TMEM232: variants seen among roughly 807,000 people sequenced by gnomAD.
The protein encoded by TMEM232 is transmembrane protein 232.
A neutral mutation model predicts 78.8 loss-of-function variants in TMEM232; 80 were observed. The observed-to-expected ratio is 1.01, with a 90% CI of 0.85 to 1.22. TMEM232 has a LOEUF of 1.22. Among genes scored for constraint, TMEM232 ranks in the 50% most tolerant of loss-of-function variants. The pLI is 0.00. For missense variants in TMEM232, 881 were observed against 742.2 expected, an observed-to-expected ratio of 1.19 and a Z score of -2.17; for synonymous variants, 297 against 254.3, an observed-to-expected ratio of 1.17 and a Z score of -1.60.
chr5:110,415,053 T>G (rs311708), downstream of TMEM232, among the ~76,000 whole-genome samples: 41,624 of 151,788 alleles, frequency 0.27, 9,439 homozygotes, highest in African/African-American at 0.61. Context: ...TAACAGTTCC[T>G]CAGTCCTGCA....
intron 1 of TMEM232, among the ~76,000 whole-genome samples, chr5:110,673,689 T>A (rs1243815492): frequency 6.6e-6 from 1 of 152,176 alleles, no homozygotes; most frequent in Non-Finnish European, 1.5e-5. Context: ...TTGATTGCAC[T>A]GGGCTGACCT....
In TMEM232 at chr5:110,638,183, T is replaced by G. The variant is rs1786149570; in HGVS notation, c.501+15A>C. The G allele has an allele frequency of 6.5e-7, 1 of 1,528,522 alleles. No homozygotes were observed. Among genetic ancestry groups the G allele is most frequent in the Non-Finnish European group, 8.8e-7 (1 of 1,136,010 alleles). The allele number at this position is 1,528,522 out of a possible 1,614,324, so 94.7% of individuals were successfully genotyped here. ...TGAAATATTTAAAAACATTAAGAAG[T>G]TTTTCAAAACATACCTTTGCTAGCT... On this transcript the variant is annotated intron_variant, in intron 5 of 13. Transcript: ENST00000455884.
intron 10 of TMEM232, among the ~76,000 whole-genome samples, chr5:110,596,128 T>A (rs1487367362): frequency 6.6e-6 from 1 of 152,042 alleles, no homozygotes; most frequent in Non-Finnish European, 1.5e-5. Flanking sequence ...TATTCAACAT[T>A]CTTAAAGAAA....
chr5:110,699,333 T>C (rs980303566), intron 1 of TMEM232, among the ~76,000 whole-genome samples: 10 of 151,986 alleles, frequency 6.6e-5, no homozygotes, highest in Non-Finnish European at 1.5e-4. Context: ...TAAGAAATAA[T>C]ACATCTAACT....
rs1474021322 is a variant in TMEM232, at chr5:110,726,629, C to T, written c.-15G>A. On this transcript the variant is annotated splice_region_variant and 5_prime_UTR_variant, in exon 1 of 14. Coordinates refer to ENST00000455884, the MANE Select transcript of TMEM232 (RefSeq NM_001039763.4). ...AGCAGGACCTCTTAATCACTCACCG[C>T]TGCGCTCTGAGCCGCTGGGAACCAA... The T allele has an allele frequency of 6.6e-6, 1 of 152,226 alleles. No homozygotes were observed. Among genetic ancestry groups the T allele is most frequent in the Admixed American group, 6.5e-5 (1 of 15,282 alleles). 9.4% of individuals were successfully genotyped at this position (152,226 alleles called of 1,614,324 possible).
intron 12 of TMEM232, among the ~76,000 whole-genome samples, chr5:110,456,160 G>T (rs1253945356): frequency 6.6e-6 from 1 of 152,094 alleles, no homozygotes; most frequent in Non-Finnish European, 1.5e-5. Context: ...ATCTACAGAA[G>T]AATAATCTAC....
intron 12 of TMEM232, among the ~76,000 whole-genome samples, chr5:110,513,439 A>G (rs948513589): frequency 6.6e-6 from 1 of 152,190 alleles, no homozygotes. Context: ...ATACAACTTA[A>G]TATCAAATAA....
chr5:110,478,758 G>T (rs528400081), intron 12 of TMEM232, among the ~76,000 whole-genome samples: 5 of 151,876 alleles, frequency 3.3e-5, no homozygotes, highest in Admixed American at 3.3e-4. Flanking sequence ...AGCTTTTAAG[G>T]TGCCAATGTT....
chr5:110,679,985 G>A (rs1792510876), intron 1 of TMEM232, among the ~76,000 whole-genome samples: 1 of 152,112 alleles, frequency 6.6e-6, no homozygotes, highest in African/African-American at 2.4e-5. Flanking sequence ...TCTTTAAAAA[G>A]TAATCATATG....
intron 12 of TMEM232, among the ~76,000 whole-genome samples, chr5:110,466,588 A>G (rs1453763975): frequency 4.0e-5 from 6 of 151,416 alleles, no homozygotes; most frequent in Non-Finnish European, 8.8e-5. Context: ...ATTTAGTTCT[A>G]GATTTTAAGG....
intron 12 of TMEM232, among the ~76,000 whole-genome samples, chr5:110,508,534 C>A (rs1228613857): frequency 6.6e-6 from 1 of 151,216 alleles, no homozygotes; most frequent in Non-Finnish European, 1.5e-5. Flanking sequence ...CTGACTAGTA[C>A]CTTCCTCATG....
intron 1 of TMEM232, among the ~76,000 whole-genome samples, chr5:110,689,510 C>T (rs139193427): frequency 6.6e-6 from 1 of 151,872 alleles, no homozygotes; most frequent in African/African-American, 2.4e-5. Context: ...CTTTAGAAAC[C>T]CTTGGACAAG....
intron 1 of TMEM232, among the ~76,000 whole-genome samples, chr5:110,718,530 G>A (rs1797255373): frequency 6.6e-6 from 1 of 151,904 alleles, no homozygotes; most frequent in African/African-American, 2.4e-5. Flanking sequence ...TTTTCTCTTT[G>A]CAGTTAGCTT....
At chr5:110,586,605 C>A (rs1172183536) in intron 10 of TMEM232, among the ~76,000 whole-genome samples, 1 of 151,336 alleles carries the variant, frequency 6.6e-6, no homozygotes, top group Admixed American at 6.6e-5. Flanking sequence ...ATTACACATA[C>A]AAATGTATCT....
At chr5:110,610,527 C>A in intron 8 of TMEM232, 1 of 455,914 alleles carries the variant, frequency 2.2e-6, no homozygotes, top group Non-Finnish European at 4.4e-6. Flanking sequence ...GACCAGCAGC[C>A]ATAGTATTTG....
chr5:110,660,795 T>C (rs1160875756), intron 2 of TMEM232, among the ~76,000 whole-genome samples: 1 of 152,188 alleles, frequency 6.6e-6, no homozygotes, highest in Non-Finnish European at 1.5e-5. Context: ...GTAATTATAA[T>C]ATCCATCAAT....
intron 2 of TMEM232, among the ~76,000 whole-genome samples, chr5:110,647,602 A>G (rs1455514750): frequency 2.0e-5 from 3 of 151,988 alleles, no homozygotes; most frequent in Admixed American, 2.0e-4. Flanking sequence ...AATTTTTAAA[A>G]TATTTCCCAG....
At chr5:110,682,554 T>C (rs1472446621) in intron 1 of TMEM232, among the ~76,000 whole-genome samples, 3 of 152,138 alleles carry the variant, frequency 2.0e-5, no homozygotes, top group African/African-American at 7.2e-5. Context: ...TTTAAATAGA[T>C]TTCAAAAATT....
At chr5:110,617,171 C>T (rs1783024117) in intron 8 of TMEM232, among the ~76,000 whole-genome samples, 1 of 152,032 alleles carries the variant, frequency 6.6e-6, no homozygotes, top group Non-Finnish European at 1.5e-5. Context: ...AAGCATAGTA[C>T]AGAAAAATAA....
Sources: allele counts gnomAD v4.1 joint callset (sites outside exome capture counted in the v4.1 genomes callset), GRCh38; gene constraint gnomAD v4.1.1; transcripts MANE v1.5; gene names NCBI Gene and HGNC (gene_info 2026-07-23, HGNC 2026-07-21).